Variants in WDR25 observed in about 807,000 individuals in gnomAD.
The protein encoded by WDR25 is WD repeat domain 25.
In WDR25, 35 loss-of-function variants were observed where a neutral mutation model predicts 47.7. The observed-to-expected ratio is 0.73, with a 90% confidence interval of 0.56 to 0.97. The LOEUF is 0.97. WDR25 is among the 50% of genes least tolerant of loss of function. WDR25 has a pLI of 0.00. For synonymous variants in WDR25, 248 were observed against 278.9 expected (o/e 0.89, Z 1.10); for missense variants, 634 against 704.7 (o/e 0.90, Z 1.14).
chr14:100,417,145 T>C (rs1897891079), intron 2 of WDR25, among the ~76,000 whole-genome samples: 1 of 152,214 alleles, frequency 6.6e-6, no homozygotes, highest in South Asian at 2.1e-4. Context: ...TGCCCCTCCC[T>C]TCTCTATGGG....
rs1362990394 is a variant in WDR25, at chr14:100,381,655, G to A, written c.731G>A (p.Gly244Asp). The change falls in exon 2 of 7, where the codon GGC becomes GAC. Residue 244 changes from glycine (G) to aspartate (D), a missense_variant. Transcript: ENST00000402312. ...CGGAAAGTGCTTTTCCACCTGAGAGGCCACAGGGGCCCTGTCAACACCATT... is the reference window on the plus strand; with the variant it reads ...CGGAAAGTGCTTTTCCACCTGAGAGACCACAGGGGCCCTGTCAACACCATT... ...VPRKVLFHLR[G>D]HRGPVNTIQW... is the part of the protein sequence containing the mutation. 1.9e-6 allele frequency: 3 copies of A among 1,614,182 alleles called. No homozygotes were observed. Among genetic ancestry groups the A allele is most frequent in the Admixed American group, 1.7e-5 (1 of 60,018 alleles).
chr14:100,520,380 C>T (rs1901678331), intron 4 of WDR25, among the ~76,000 whole-genome samples: 1 of 152,064 alleles, frequency 6.6e-6, no homozygotes, highest in Non-Finnish European at 1.5e-5. Flanking sequence ...TACCTTAACA[C>T]ATTTCTTTTA....
In WDR25 at chr14:100,496,168, G is replaced by A. The variant is rs115840285; in HGVS notation, c.1101+12044G>A. ...ATCCTAGTGGGTACAAAGTGGTCTC[G>A]TTTGATCTCTTTGAGGTTTGATATA... is the stretch of plus-strand genomic sequence containing the variant. On this transcript the variant is annotated intron_variant, in intron 4 of 6. Coordinates refer to ENST00000402312, the MANE Select transcript of WDR25 (RefSeq NM_001161476.3). 7.2e-3 allele frequency among the ~76,000 whole-genome samples: 1,100 copies of A among 152,250 alleles called. 15 individuals are homozygous for A. Among genetic ancestry groups the A allele is most frequent in the African/African-American group, 0.025 (1,040 of 41,540 alleles).
chr14:100,382,055 C>T (rs1405546233), intron 2 of WDR25: 1 of 702,816 alleles, frequency 1.4e-6, no homozygotes, highest in Admixed American at 2.0e-5. Context: ...AGGACCAAGC[C>T]CTGGGGACTG....
chr14:100,387,804 C>T (rs756200966), intron 2 of WDR25, among the ~76,000 whole-genome samples: 6 of 152,332 alleles, frequency 3.9e-5, no homozygotes, highest in Admixed American at 6.5e-5. Flanking sequence ...AAGCGCATCC[C>T]CTTCACCCAG....
At chr14:100,400,533 T>C (rs1344060204) in intron 2 of WDR25, among the ~76,000 whole-genome samples, 2 of 152,272 alleles carry the variant, frequency 1.3e-5, no homozygotes, top group Non-Finnish European at 2.9e-5. Context: ...AAGGTAACTT[T>C]GTTTAATAAA....
intron 2 of WDR25, among the ~76,000 whole-genome samples, chr14:100,438,883 C>T (rs973530164): frequency 3.3e-5 from 5 of 152,204 alleles, no homozygotes; most frequent in Non-Finnish European, 7.3e-5. Flanking sequence ...TGGTAAGAGG[C>T]AGAGCTGGGA....
intron 2 of WDR25, among the ~76,000 whole-genome samples, chr14:100,452,265 A>G (rs1376427340): frequency 6.6e-6 from 1 of 152,208 alleles, no homozygotes; most frequent in Admixed American, 6.5e-5. Context: ...CTTCTAGTAT[A>G]TGCTAGACTC....
At chr14:100,489,290 G>A (rs1188795854) in intron 4 of WDR25, among the ~76,000 whole-genome samples, 3 of 152,164 alleles carry the variant, frequency 2.0e-5, no homozygotes, top group East Asian at 1.9e-4. Flanking sequence ...CCAGCTTTGC[G>A]GTGCTGTGGC....
intron 2 of WDR25, among the ~76,000 whole-genome samples, chr14:100,390,448 G>A (rs1266963305): frequency 1.4e-5 from 2 of 148,036 alleles, no homozygotes; most frequent in African/African-American, 2.5e-5. Context: ...CCCTTGTGTG[G>A]GGGCAAAGGG....
intron 4 of WDR25, among the ~76,000 whole-genome samples, chr14:100,519,858 A>G (rs1057504218): frequency 2.1e-5 from 3 of 140,880 alleles, no homozygotes; most frequent in Non-Finnish European, 4.6e-5. Flanking sequence ...TATGCTATAT[A>G]TATACTATAT....
intron 3 of WDR25, among the ~76,000 whole-genome samples, chr14:100,479,705 A>G (rs7148655): frequency 0.64 from 98,025 of 152,018 alleles, 31,924 homozygotes; most frequent in Admixed American, 0.72. Flanking sequence ...GTCCATATCA[A>G]CAGGGATCCC....
At position 100,529,127 on chromosome 14, in the gene WDR25, G is replaced by A; in HGVS notation, c.1332G>A (p.Gln444=). The change falls in exon 6 of 7, where the codon CAG becomes CAA. Residue 444 remains glutamine, a synonymous_variant. Transcript: ENST00000402312. This position sits in a 1 kb window ranked among gnomAD's most constrained non-coding sequence, Gnocchi z 5.1. ...LHPREPVFLA[Q]TNGNYLALFS... is the part of the protein sequence containing the mutation. ...CGAGAGAGCCCGTGTTCCTGGCACA[G>A]ACCAATGGCAACTACCTGGCCCTTT... The A allele has an allele frequency of 6.2e-7, 1 of 1,601,022 alleles. No individual in the cohort carries two copies. Among genetic ancestry groups the A allele is most frequent in the South Asian group, 1.1e-5 (1 of 90,576 alleles).
intron 5 of WDR25, among the ~76,000 whole-genome samples, chr14:100,528,435 C>CTTTTT (rs66881970): frequency 2.5e-4 from 33 of 130,976 alleles, no homozygotes; most frequent in East Asian, 4.5e-4. Flanking sequence ...TTCTTTCTTT[C>CTTTTT]TTTTTTTTTT....
chr14:100,483,960 C>T (rs1370093608), intron 3 of WDR25, 34 bp from the exon 4 acceptor site: 45 of 1,587,176 alleles, frequency 2.8e-5, no homozygotes, highest in Non-Finnish European at 3.7e-5. Context: ...GACCTAAGTA[C>T]TTTCTAACCC....
chr14:100,381,502 A>G lies in WDR25; in HGVS notation c.578A>G (p.Lys193Arg). 6.2e-7 allele frequency: 1 copy of G among 1,614,186 alleles called. No homozygotes were observed. The highest frequency in any genetic ancestry group is 1.1e-5 in the South Asian group (1 of 91,082). ...QRQALSTETG[K>R]GKDVEPQGPP... ...CAGGCATTAAGCACGGAGACAGGCA[A>G]GGGTAAAGACGTGGAGCCACAGGGG... The change falls in exon 2 of 7, where the codon AAG becomes AGG. Residue 193 changes from lysine (K) to arginine (R), a missense_variant. By Grantham distance (26) the Lys-to-Arg change is conservative. Transcript: ENST00000402312.
intron 2 of WDR25, among the ~76,000 whole-genome samples, chr14:100,433,735 A>G (rs762655815): frequency 5.9e-5 from 9 of 152,180 alleles, no homozygotes; most frequent in Non-Finnish European, 1.3e-4. Flanking sequence ...TTTAACAGTA[A>G]GTTATAATAA....
chr14:100,514,414 A>G (rs1361990441), intron 4 of WDR25, among the ~76,000 whole-genome samples: 3 of 150,350 alleles, frequency 2.0e-5, no homozygotes, highest in Admixed American at 6.6e-5. Flanking sequence ...TAAATCTGCT[A>G]CCTTGCTATT....
chr14:100,410,399 C>A (rs567991018), intron 2 of WDR25, among the ~76,000 whole-genome samples: 2 of 152,074 alleles, frequency 1.3e-5, no homozygotes. Flanking sequence ...GAGAGAACAT[C>A]GAGAATTGTA....
Sources: gnomAD v4.1 joint callset for allele counts (sites outside exome capture counted in the v4.1 genomes callset) on GRCh38, gnomAD v4.1.1 for gene constraint, Gnocchi (gnomAD v3.1) non-coding constraint, MANE v1.5 for transcripts, NCBI Gene and HGNC (gene_info 2026-07-23, HGNC 2026-07-21) for gene names.